Variants in SLC15A1 observed in about 807,000 individuals in gnomAD.
SLC15A1 encodes the protein solute carrier family 15 member 1, also known as Caco-2 oligopeptide transporter.
SLC15A1 carries 83 observed loss-of-function variants against 92.9 expected under a neutral mutation model. The ratio of observed to expected loss-of-function variants is 0.89; its 90% CI spans 0.75 to 1.07. The LOEUF (loss-of-function observed/expected upper bound fraction) is 1.07. SLC15A1 is among the 50% of genes least tolerant of loss of function. The pLI, the probability that SLC15A1 is intolerant of heterozygous loss-of-function variation, is 0.00. For synonymous variants in SLC15A1, 322 were observed against 318.2 expected (o/e 1.01, Z -0.13); for missense variants, 857 against 880.1 (o/e 0.97, Z 0.33).
intron 1 of SLC15A1, among the ~76,000 whole-genome samples, chr13:98,739,805 A>C (rs2139607794): frequency 6.6e-6 from 1 of 152,342 alleles, no homozygotes; most frequent in African/African-American, 2.4e-5. Context: ...GTTAGTTAAT[A>C]AGATTGAATC....
At chr13:98,724,615 G>A (rs1163221382) in intron 4 of SLC15A1, among the ~76,000 whole-genome samples, 5 of 152,272 alleles carry the variant, frequency 3.3e-5, no homozygotes, top group East Asian at 3.9e-4. Flanking sequence ...AGGACTACAG[G>A]GGCCCGCCAC....
At chr13:98,738,862 T>A (rs1295600559) in intron 1 of SLC15A1, among the ~76,000 whole-genome samples, 2 of 152,210 alleles carry the variant, frequency 1.3e-5, no homozygotes, top group Admixed American at 6.5e-5. Flanking sequence ...GACCCTAGGA[T>A]GGTAGATCCA....
chr13:98,726,811 A>C, intron 2 of SLC15A1, 32 bp downstream of exon 2: 1 of 1,604,206 alleles, frequency 6.2e-7, no homozygotes, highest in East Asian at 2.2e-5. Context: ...TTACAAGATG[A>C]AGATATGTAG....
In SLC15A1 at chr13:98,726,271, C is replaced by T. The variant is rs2088299000; in HGVS notation, c.104-7G>A. On this transcript the variant is annotated splice_polypyrimidine_tract_variant and splice_region_variant and intron_variant, in intron 3 of 22. Transcript: ENST00000376503. ...AAGTACAGAATCAGGATTGCTTTTG[C>T]AGAGGGCAGGTGGAAGAGGAGGGGG... 1.9e-6 allele frequency: 3 copies of T among 1,614,006 alleles called. No individual in the cohort carries two copies. The highest frequency in any genetic ancestry group is 4.5e-5 in the East Asian group (2 of 44,876).
intron 1 of SLC15A1, among the ~76,000 whole-genome samples, chr13:98,742,274 C>T (rs1190788505): frequency 6.6e-6 from 1 of 152,252 alleles, no homozygotes; most frequent in African/African-American, 2.4e-5. Flanking sequence ...GGCAATGAGC[C>T]ACCTCCTACC....
In SLC15A1 at chr13:98,706,251, T is replaced by C; in HGVS notation, c.1152A>G (p.Lys384=). The stretch of plus-strand genomic sequence containing the variant: ...TTCCTTTGGGGAAGACTGGAAGAGT[T>C]TTCTGAGCAAAATAAAAGAAAATTG... ...VAAIVQVEID[K]TLPVFPKGNE... The change falls in exon 16 of 23, where the codon AAA becomes AAG. Residue 384 remains lysine (K), a splice_region_variant and synonymous_variant. Transcript: ENST00000376503. 1 of 1,611,578 alleles carries C rather than the reference T, an allele frequency of 6.2e-7. No individual in the cohort carries two copies. Among genetic ancestry groups the C allele is most frequent in the Non-Finnish European group, 8.5e-7 (1 of 1,179,244 alleles).
chr13:98,721,948 A>G, intron 5 of SLC15A1, 45 bp from the exon 6 acceptor site: 1 of 1,517,912 alleles, frequency 6.6e-7, no homozygotes, highest in Non-Finnish European at 9.1e-7. Flanking sequence ...GATCCTCGCA[A>G]GTAGAAGGCC....
At chr13:98,742,739 G>A (rs552259885) in intron 1 of SLC15A1, among the ~76,000 whole-genome samples, 6 of 152,134 alleles carry the variant, frequency 3.9e-5, no homozygotes, top group Admixed American at 1.3e-4. Flanking sequence ...CCCTGTGTAT[G>A]AGTCTATGTC....
intron 14 of SLC15A1, 73 bp downstream of exon 14, chr13:98,709,499 G>T: frequency 8.1e-7 from 1 of 1,236,294 alleles, no homozygotes; most frequent in East Asian, 2.3e-5. Context: ...AAGGGCTGCA[G>T]GCTGAGCGCA....
intron 1 of SLC15A1, among the ~76,000 whole-genome samples, chr13:98,746,398 T>G (rs2088493207): frequency 6.6e-6 from 1 of 152,228 alleles, no homozygotes; most frequent in Non-Finnish European, 1.5e-5. Flanking sequence ...GTAATGGGAC[T>G]GCTGGGTCAA....
intron 8 of SLC15A1, 105 bp from the exon 9 acceptor site, chr13:98,716,065 G>T (rs2088209592): frequency 2.1e-6 from 2 of 949,578 alleles, no homozygotes; most frequent in Admixed American, 1.9e-5. Context: ...TTGGGATAAT[G>T]GGATTACTTA....
chr13:98,708,649 C>G (rs1432922890), intron 15 of SLC15A1, 37 bp downstream of exon 15: 1 of 1,572,278 alleles, frequency 6.4e-7, no homozygotes, highest in Non-Finnish European at 8.7e-7. Flanking sequence ...CCTAAATCCA[C>G]CAGGAAAGGA....
chr13:98,712,677 A>G (rs570653355), intron 9 of SLC15A1, 93 bp from the exon 10 acceptor site: 28 of 894,130 alleles, frequency 3.1e-5, no homozygotes, highest in Non-Finnish European at 4.9e-5. Context: ...GGAGAAAAAT[A>G]TACGTGTGAG....
intron 15 of SLC15A1, among the ~76,000 whole-genome samples, chr13:98,707,940 G>GTT (rs1163276052): frequency 8.0e-6 from 1 of 125,368 alleles, no homozygotes; most frequent in African/African-American, 3.9e-5. Context: ...TAAATGTTAT[G>GTT]TTATATATAT....
intron 22 of SLC15A1, 80 bp downstream of exon 22, chr13:98,686,110 C>A: frequency 1.9e-6 from 2 of 1,032,440 alleles, no homozygotes; most frequent in Non-Finnish European, 3.0e-6. Flanking sequence ...ACAGAGCACA[C>A]AGATGGCTAG....
chr13:98,722,879 T>C (rs141719485), intron 5 of SLC15A1, among the ~76,000 whole-genome samples: 99 of 152,294 alleles, frequency 6.5e-4, no homozygotes, highest in African/African-American at 2.3e-3. Flanking sequence ...CTCCATGAAA[T>C]GAAAAATGAA....
chr13:98,686,228 CA>C lies in SLC15A1; in HGVS notation c.1896del (p.Ile632MetfsTer30), dbSNP rs886191691. 8 of 1,613,738 alleles carry C rather than the reference CA, an allele frequency of 5.0e-6. No individual in the cohort carries two copies. Among genetic ancestry groups the C allele is most frequent in the Non-Finnish European group, 6.8e-6 (8 of 1,179,976 alleles). ...TGGCCTGCCCCTGCCACGATGAGCA[CA>C]ATGATGTTGCCAACAGCCACGGTCA... The part of the protein sequence containing the change: ...WLLTVAVGNI[I>X]VLIVAGAGQF... On this transcript the variant is annotated frameshift_variant, in exon 22 of 23. Transcript: ENST00000376503. LOFTEE classifies it low-confidence loss of function (END_TRUNC).
intron 1 of SLC15A1, among the ~76,000 whole-genome samples, chr13:98,746,952 C>T (rs2088497891): frequency 6.6e-6 from 1 of 152,206 alleles, no homozygotes. Flanking sequence ...ACGGCTGAGC[C>T]TGTGCTTTAA....
At position 98,719,223 on chromosome 13, in the gene SLC15A1, C is replaced by G. The variant is rs199739446; in HGVS notation, c.640+14G>C. 1 of 1,603,682 alleles carries G rather than the reference C, an allele frequency of 6.2e-7. No homozygotes were observed. Among genetic ancestry groups the G allele is most frequent in the South Asian group, 1.1e-5 (1 of 90,538 alleles). Reference sequence around the variant, plus strand: ...GGTCCTAGGCTTCTATTAATTCAACCGATTTCCACTTACTCAGGGCTACAG... The same window carrying G: ...GGTCCTAGGCTTCTATTAATTCAACGGATTTCCACTTACTCAGGGCTACAG... On this transcript the variant is annotated intron_variant, in intron 8 of 22. Transcript: ENST00000376503.
Sources: allele counts gnomAD v4.1 joint callset (sites outside exome capture counted in the v4.1 genomes callset), GRCh38; gene constraint gnomAD v4.1.1; transcripts MANE v1.5; gene names NCBI Gene and HGNC (gene_info 2026-07-23, HGNC 2026-07-21).